BTBD10: variants seen among roughly 807,000 people sequenced by gnomAD.
The protein encoded by BTBD10 is BTB/POZ domain-containing protein 10.
A neutral mutation model predicts 53.2 loss-of-function variants in BTBD10; 21 were observed. The observed-to-expected ratio is 0.39, with a 90% CI of 0.28 to 0.57. The LOEUF is 0.57. Among genes scored for constraint, BTBD10 ranks in the 20% least tolerant of loss-of-function variants. The probability of loss-of-function intolerance (pLI) is 0.53; values close to 1 mark genes in which losing one functional copy is unlikely to be tolerated. For missense variants in BTBD10, 360 were observed against 594.7 expected, an observed-to-expected ratio of 0.61 and a Z score of 4.10; for synonymous variants, 149 against 192.7, an observed-to-expected ratio of 0.77 and a Z score of 1.88.
At chr11:13,450,037 A>C (rs1950825983) in intron 1 of BTBD10, among the ~76,000 whole-genome samples, 1 of 152,218 alleles carries the variant, frequency 6.6e-6, no homozygotes, top group African/African-American at 2.4e-5. Flanking sequence ...AATTATTTTT[A>C]TCTCTCAAAC....
chr11:13,410,614 CA>C (rs989849442), intron 6 of BTBD10, among the ~76,000 whole-genome samples: 1 of 150,156 alleles, frequency 6.7e-6, no homozygotes, highest in South Asian at 2.1e-4. Context: ...TTTGACAGGA[CA>C]AAAAAAAGAT....
intron 2 of BTBD10, among the ~76,000 whole-genome samples, chr11:13,423,406 G>T (rs1950279729): frequency 6.6e-6 from 1 of 152,122 alleles, no homozygotes; most frequent in African/African-American, 2.4e-5. Context: ...TGAATTAAAT[G>T]AACTATAATA....
chr11:13,434,764 C>T lies in BTBD10; in HGVS notation c.101+10260G>A, dbSNP rs570470372. On this transcript the variant is annotated intron_variant, in intron 2 of 8. Coordinates refer to ENST00000278174, the MANE Select transcript of BTBD10 (RefSeq NM_032320.7). ...TCAGATGTTACTGTAAATAATCAGG[C>T]GAAAGCTGAAAGTGACTTGGACCAG... Among the ~76,000 whole-genome samples, 24 of 152,236 alleles carry T rather than the reference C, an allele frequency of 1.6e-4. No individual in the cohort carries two copies. The East Asian group carries it at 1.9e-3, about 12-fold the overall frequency.
At chr11:13,417,345 G>T in intron 4 of BTBD10, 85 bp from the exon 5 acceptor site, 1 of 908,720 alleles carries the variant, frequency 1.1e-6, no homozygotes, top group South Asian at 2.2e-5. Context: ...AAGAAAAAAG[G>T]AATTATATCA....
At chr11:13,459,115 G>A (rs1354801767) in intron 1 of BTBD10, among the ~76,000 whole-genome samples, 1 of 147,594 alleles carries the variant, frequency 6.8e-6, no homozygotes, top group African/African-American at 2.5e-5. Context: ...GGAGTGCAGT[G>A]GCGGGATCTC....
At chr11:13,440,099 C>G (rs1422938589) in intron 2 of BTBD10, 1 of 1,518,946 alleles carries the variant, frequency 6.6e-7, no homozygotes, top group Non-Finnish European at 8.8e-7. Context: ...CCTACCTCAC[C>G]TGTCCATAGA....
intron 1 of BTBD10, among the ~76,000 whole-genome samples, chr11:13,453,192 T>G (rs1283976921): frequency 6.6e-6 from 1 of 151,874 alleles, no homozygotes; most frequent in Non-Finnish European, 1.5e-5. Context: ...ATACAGAAAA[T>G]ATTTCAAAAT....
intron 7 of BTBD10, 127 bp from the exon 8 acceptor site, chr11:13,403,405 A>T: frequency 2.0e-6 from 1 of 495,286 alleles, no homozygotes; most frequent in South Asian, 3.8e-5. Context: ...AGTAATGCCA[A>T]AGGATGACTA....
intron 6 of BTBD10, among the ~76,000 whole-genome samples, chr11:13,409,065 CAAAA>C (rs1211047001): frequency 6.6e-6 from 1 of 152,198 alleles, no homozygotes; most frequent in East Asian, 1.9e-4. Flanking sequence ...GAGTAAAAGC[CAAAA>C]CATAAAGGCC....
intron 2 of BTBD10, chr11:13,439,786 G>A: frequency 1.0e-6 from 1 of 982,292 alleles, no homozygotes; most frequent in Non-Finnish European, 1.4e-6. Flanking sequence ...TGATCATAAT[G>A]AAACAAAGGT....
intron 8 of BTBD10, among the ~76,000 whole-genome samples, chr11:13,399,477 T>C (rs1361592816): frequency 6.6e-6 from 1 of 152,222 alleles, no homozygotes; most frequent in Non-Finnish European, 1.5e-5. Flanking sequence ...TTTAACTTCT[T>C]TGCCATTGGA....
At chr11:13,407,433 G>A (rs1168080518) in intron 6 of BTBD10, among the ~76,000 whole-genome samples, 4 of 151,990 alleles carry the variant, frequency 2.6e-5, no homozygotes, top group East Asian at 1.9e-4. Flanking sequence ...CTCTCTCCAC[G>A]GTATTTTTCA....
At chr11:13,420,793 A>C (rs1477788755) in intron 3 of BTBD10, among the ~76,000 whole-genome samples, 2 of 152,160 alleles carry the variant, frequency 1.3e-5, no homozygotes, top group Non-Finnish European at 2.9e-5. Context: ...AATATTAATA[A>C]AATAATTTAT....
intron 1 of BTBD10, among the ~76,000 whole-genome samples, chr11:13,446,541 T>A (rs1950752236): frequency 6.6e-6 from 1 of 152,126 alleles, no homozygotes; most frequent in Non-Finnish European, 1.5e-5. Context: ...AGTAGGTAGA[T>A]CCATGAGTGA....
At chr11:13,397,126 C>A (rs1329792687) in intron 8 of BTBD10, among the ~76,000 whole-genome samples, 2 of 152,178 alleles carry the variant, frequency 1.3e-5, no homozygotes, top group African/African-American at 4.8e-5. Context: ...GTACCAGCTC[C>A]TCCTTGTACC....
chr11:13,438,003 T>C (rs1950574372), intron 2 of BTBD10, among the ~76,000 whole-genome samples: 1 of 152,176 alleles, frequency 6.6e-6, no homozygotes, highest in African/African-American at 2.4e-5. Context: ...ATGTCCTTCC[T>C]ATCAATGTTT....
At position 13,413,680 on chromosome 11, in the gene BTBD10, A is replaced by T. The variant is rs188220918; in HGVS notation, c.688-30T>A. 1.3e-5 allele frequency: 20 copies of T among 1,596,774 alleles called. No homozygotes were observed. The East Asian group carries it at 4.3e-4, about 34-fold the overall frequency. On this transcript the variant is annotated intron_variant, in intron 5 of 8. Transcript: ENST00000278174. The stretch of plus-strand genomic sequence containing the variant: ...AAAAAGAAAAGTAAAGAAAGCATAA[A>T]ATATCTGGAGCATAAGGTAGCCAAA...
intron 6 of BTBD10, among the ~76,000 whole-genome samples, chr11:13,412,367 C>A (rs1270745644): frequency 6.6e-6 from 1 of 152,084 alleles, no homozygotes; most frequent in Non-Finnish European, 1.5e-5. Flanking sequence ...GCAGGAGAAT[C>A]CCTTGAACTC....
chr11:13,425,320 C>T (rs867907928), intron 2 of BTBD10, among the ~76,000 whole-genome samples: 7 of 152,214 alleles, frequency 4.6e-5, no homozygotes, highest in Middle Eastern at 3.4e-3. Context: ...ACCAAAAGGA[C>T]CACACTGTTT....
Sources: gnomAD v4.1 joint callset for allele counts (sites outside exome capture counted in the v4.1 genomes callset) on GRCh38, gnomAD v4.1.1 for gene constraint, MANE v1.5 for transcripts, NCBI Gene and HGNC (gene_info 2026-07-23, HGNC 2026-07-21) for gene names.